The following SLC7A11 variants were observed in gnomAD, a reference collection of about 807,000 sequenced individuals.
The protein encoded by SLC7A11 is cystine/glutamate transporter.
In SLC7A11, 35 loss-of-function variants were observed where a neutral mutation model predicts 54.5. That is an observed-to-expected ratio of 0.64 (90% confidence interval 0.49 to 0.85). The LOEUF is 0.85. Ranked by LOEUF, SLC7A11 falls within the 40% of genes least tolerant of loss-of-function variation. The probability of loss-of-function intolerance (pLI) is 0.00; values close to 1 mark genes in which losing one functional copy is unlikely to be tolerated. For synonymous variants in SLC7A11, 230 were observed against 225.2 expected (o/e 1.02, Z -0.19); for missense variants, 583 against 618.1 (o/e 0.94, Z 0.60).
intron 5 of SLC7A11, among the ~76,000 whole-genome samples, chr4:138,217,130 T>G (rs1387078212): frequency 8.0e-6 from 1 of 125,022 alleles, no homozygotes; most frequent in African/African-American, 2.7e-5. Context: ...TTTCTGCGTC[T>G]TCACAAAGCA....
At chr4:138,178,401 G>T (rs775962470) in intron 11 of SLC7A11, among the ~76,000 whole-genome samples, 23 of 152,188 alleles carry the variant, frequency 1.5e-4, no homozygotes, top group Non-Finnish European at 2.4e-4. Flanking sequence ...ATTTGGGTTG[G>T]TTCTAAGTTT....
chr4:138,240,197 C>T (rs887020662), intron 1 of SLC7A11, among the ~76,000 whole-genome samples: 1 of 151,916 alleles, frequency 6.6e-6, no homozygotes, highest in African/African-American at 2.4e-5. Context: ...CTCTAAAAAC[C>T]CCAAATAATT....
chr4:138,218,405 C>T (rs1324422712), intron 5 of SLC7A11, among the ~76,000 whole-genome samples: 3 of 152,162 alleles, frequency 2.0e-5, no homozygotes, highest in Non-Finnish European at 4.4e-5. Context: ...TTTAATCTTA[C>T]TACAATGATT....
Position 138,189,416 on chromosome 4 carries a change from A to G in SLC7A11, c.792-4172T>C, listed in dbSNP as rs76044683. Among the ~76,000 whole-genome samples, 313 of 152,216 alleles carry G rather than the reference A, an allele frequency of 2.1e-3. 3 individuals carry two copies. In the East Asian group the frequency reaches 0.041, roughly 20 times the overall value. ...TCAGAGAGGTTGAGTGACATAACCA[A>G]GGTCACAAAAGTAGTAAGCGGGAGG... On this transcript the variant is annotated intron_variant, in intron 6 of 11. Transcript: ENST00000280612.
intron 4 of SLC7A11, among the ~76,000 whole-genome samples, chr4:138,222,146 A>C (rs1261835391): frequency 1.3e-5 from 2 of 152,186 alleles, no homozygotes; most frequent in Non-Finnish European, 2.9e-5. Context: ...GATTTCATAA[A>C]AGCATTTCCG....
chr4:138,209,176 C>A (rs1160295172), intron 6 of SLC7A11, among the ~76,000 whole-genome samples: 4 of 151,948 alleles, frequency 2.6e-5, no homozygotes, highest in Non-Finnish European at 5.9e-5. Context: ...TAATTATCAT[C>A]TTTCTATTAG....
At chr4:138,221,965 T>C (rs1737823469) in intron 4 of SLC7A11, among the ~76,000 whole-genome samples, 1 of 152,200 alleles carries the variant, frequency 6.6e-6, no homozygotes, top group Admixed American at 6.5e-5. Flanking sequence ...AATAAAGCAC[T>C]AACAAAACAG....
chr4:138,228,242 T>G (rs1437650034), intron 3 of SLC7A11, among the ~76,000 whole-genome samples: 1 of 152,062 alleles, frequency 6.6e-6, no homozygotes, highest in African/African-American at 2.4e-5. Flanking sequence ...AGCAAGGAAA[T>G]TGACATCCAA....
intron 6 of SLC7A11, among the ~76,000 whole-genome samples, chr4:138,192,976 T>C (rs1227486979): frequency 2.0e-5 from 3 of 152,248 alleles, no homozygotes; most frequent in South Asian, 2.1e-4. Flanking sequence ...AAAATAGATA[T>C]ATATGTTTTG....
chr4:138,241,769 C>A (rs1407779352), intron 1 of SLC7A11, 24 bp downstream of exon 1: 3 of 1,566,792 alleles, frequency 1.9e-6, no homozygotes, highest in Non-Finnish European at 2.6e-6. Flanking sequence ...GCCACGCCCC[C>A]ACGAGAGAAA....
At position 138,164,838 on chromosome 4, in the gene SLC7A11, G is replaced by A. The variant is rs1261840378; in HGVS notation, c.*7118C>T. The A allele has an allele frequency of 1.3e-5, 2 of 151,984 alleles. No homozygotes were observed. The highest frequency in any genetic ancestry group is 2.9e-5 in the Non-Finnish European group (2 of 67,980). The allele number at this position is 151,984 out of a possible 1,614,324, so 9.4% of individuals were successfully genotyped here. On this transcript the variant is annotated 3_prime_UTR_variant, in exon 12 of 12. Coordinates refer to ENST00000280612, the MANE Select transcript of SLC7A11 (RefSeq NM_014331.4). ...ACCCACGATGCCCCTGAAATTCTGG[G>A]AATGGTACAAGGTCATAACTAATGC...
At position 138,214,910 on chromosome 4, in the gene SLC7A11, C is replaced by G. The variant is rs74926900; in HGVS notation, c.747-281G>C. Among the ~76,000 whole-genome samples the G allele has an allele frequency of 2.2e-3, 337 of 152,272 alleles. 1 individual carries two copies. The highest frequency in any genetic ancestry group is 7.4e-3 in the African/African-American group (307 of 41,562). On this transcript the variant is annotated intron_variant, in intron 5 of 11. Coordinates refer to ENST00000280612, the MANE Select transcript of SLC7A11 (RefSeq NM_014331.4). Reference sequence around the variant, plus strand: ...TCCCACAGAATAGTGTGATACAGTGCAGGTCCAATACTGGAGCAAGCACGT... The same window carrying G: ...TCCCACAGAATAGTGTGATACAGTGGAGGTCCAATACTGGAGCAAGCACGT...
At chr4:138,173,506 T>C (rs1736488934) in intron 11 of SLC7A11, among the ~76,000 whole-genome samples, 1 of 151,786 alleles carries the variant, frequency 6.6e-6, no homozygotes, top group Admixed American at 6.6e-5. Flanking sequence ...TGATGGTGCA[T>C]GCCTGTACTC....
chr4:138,179,262 A>G lies in SLC7A11; in HGVS notation c.1399T>C (p.Phe467Leu). Residue 467 changes from phenylalanine to leucine, a missense_variant, in exon 11 of 12, where the codon TTT (phenylalanine) becomes CTT (leucine). By Grantham distance (22) the Phe-to-Leu change is conservative. Transcript: ENST00000280612. ...TLTGVPAYYL[F>L]IIWDKKPRWF... Reference sequence around the variant, plus strand: ...CTGGGTTTCTTGTCCCATATAATAAAGAGATAATACGCAGGGACTCCAGTC... The same window carrying G: ...CTGGGTTTCTTGTCCCATATAATAAGGAGATAATACGCAGGGACTCCAGTC... 1 of 1,612,390 alleles carries G rather than the reference A, an allele frequency of 6.2e-7. No individual in the cohort carries two copies. The highest frequency in any genetic ancestry group is 8.5e-7 in the Non-Finnish European group (1 of 1,178,696).
At chr4:138,172,187 T>G (rs1174882871) in intron 11 of SLC7A11, among the ~76,000 whole-genome samples, 170 bp from the exon 12 acceptor site, 1 of 152,228 alleles carries the variant, frequency 6.6e-6, no homozygotes, top group Non-Finnish European at 1.5e-5. Flanking sequence ...TCAATTAATT[T>G]ATTTGTCACT....
At chr4:138,211,831 A>T (rs549894511) in intron 6 of SLC7A11, among the ~76,000 whole-genome samples, 88 of 152,082 alleles carry the variant, frequency 5.8e-4, no homozygotes, top group African/African-American at 1.9e-3. Context: ...AGCTAAAAAA[A>T]AGTTGACCCT....
At chr4:138,175,660 G>C (rs1736553332) in intron 11 of SLC7A11, 1 of 152,070 alleles carries the variant, frequency 6.6e-6, no homozygotes, top group Non-Finnish European at 1.5e-5. Flanking sequence ...TTTCTCCCTA[G>C]AAATGCTATC....
chr4:138,217,054 C>T (rs1737697778), intron 5 of SLC7A11, among the ~76,000 whole-genome samples: 2 of 152,164 alleles, frequency 1.3e-5, no homozygotes, highest in Admixed American at 1.3e-4. Flanking sequence ...CACCAACAGA[C>T]TATATTTTTT....
intron 1 of SLC7A11, among the ~76,000 whole-genome samples, chr4:138,241,424 T>A (rs1472411022): frequency 1.3e-5 from 2 of 152,210 alleles, no homozygotes; most frequent in South Asian, 2.1e-4. Flanking sequence ...CACAGGTGTC[T>A]CATTCAGCAT....
Sources: gnomAD v4.1 joint callset for allele counts (sites outside exome capture counted in the v4.1 genomes callset) on GRCh38, gnomAD v4.1.1 for gene constraint, MANE v1.5 for transcripts, NCBI Gene and HGNC (gene_info 2026-07-23, HGNC 2026-07-21) for gene names.